FGFR1: variants seen among roughly 807,000 people sequenced by gnomAD.
FGFR1 encodes fibroblast growth factor receptor 1, also known as FGFR1/PLAG1 fusion.
In FGFR1, 18 loss-of-function variants were observed where a neutral mutation model predicts 93.7. The observed-to-expected ratio is 0.19, with a 90% CI of 0.13 to 0.28. The LOEUF is 0.28. Ranked by LOEUF, FGFR1 falls within the 10% of genes least tolerant of loss-of-function variation. FGFR1 has a pLI of 1.00. For synonymous variants in FGFR1, 448 were observed against 429.3 expected (o/e 1.04, Z -0.54); for missense variants, 731 against 1,080.4 (o/e 0.68, Z 4.53).
chr8:38,423,149 C>T lies in FGFR1; in HGVS notation c.937-1208G>A, dbSNP rs779349993. 7.1e-5 allele frequency: 55 copies of T among 779,378 alleles called. 1 individual carries two copies. The highest frequency in any genetic ancestry group is 5.9e-4 in the South Asian group (44 of 74,572). The allele number at this position is 779,378 out of a possible 1,614,324, so 48.3% of individuals were successfully genotyped here. A position where few individuals can be genotyped will look rare whatever the true frequency, so the allele number is the denominator to read the frequency against. On this transcript the variant is annotated intron_variant, in intron 7 of 17. Coordinates refer to ENST00000447712, the MANE Select transcript of FGFR1 (RefSeq NM_023110.3). Reference sequence around the variant, plus strand: ...TCACATTGAACAGGGTCAGCACCTCCGCATCCGAGCTATTAATCCCCGAAT... The same window carrying T: ...TCACATTGAACAGGGTCAGCACCTCTGCATCCGAGCTATTAATCCCCGAAT...
At chr8:38,425,958 AG>A (rs1820620140) in intron 6 of FGFR1, 163 bp downstream of exon 6, 1 of 857,864 alleles carries the variant, frequency 1.2e-6, no homozygotes, top group East Asian at 2.4e-5. Flanking sequence ...AGATAAGAAA[AG>A]TGAGGCTCAA....
chr8:38,457,262 G>T (rs1833086436), intron 2 of FGFR1, 94 bp downstream of exon 2: 3 of 1,402,668 alleles, frequency 2.1e-6, no homozygotes. Flanking sequence ...AGCCTTCCCT[G>T]TTGACCACAT....
intron 2 of FGFR1, among the ~76,000 whole-genome samples, chr8:38,439,155 C>G (rs1331958854): frequency 6.6e-6 from 1 of 152,166 alleles, no homozygotes; most frequent in Non-Finnish European, 1.5e-5. Context: ...GGAAAAATGG[C>G]TCCCAAAGTC....
Position 38,457,524 on chromosome 8 carries a change from T to G in FGFR1, c.-78A>C. On this transcript the variant is annotated 5_prime_UTR_variant, in exon 2 of 18. Transcript: ENST00000447712. ...TCCACAGTGAGCTCGATCCTCCTTT[T>G]CAAACTGACCCTGAGGAAAGGAAAA... 1 of 1,598,178 alleles carries G rather than the reference T, an allele frequency of 6.3e-7. No individual in the cohort carries two copies. The highest frequency in any genetic ancestry group is 2.3e-5 in the East Asian group (1 of 44,418).
At chr8:38,422,075 G>T in intron 7 of FGFR1, 134 bp from the exon 8 acceptor site, 1 of 1,104,744 alleles carries the variant, frequency 9.1e-7, no homozygotes, top group Non-Finnish European at 1.3e-6. Context: ...TTGCAACAAG[G>T]AACAAACGAA....
chr8:38,419,728 T>A lies in FGFR1; in HGVS notation c.1089A>T (p.Glu363Asp), dbSNP rs778778138. 6.2e-7 allele frequency: 1 copy of A among 1,614,094 alleles called. No homozygotes were observed. ...SAWLTVLEALEERPAVMTSPL... is the reference protein window; with the variant it reads ...SAWLTVLEALDERPAVMTSPL... ...GCGAGGTCATCACTGCCGGCCTCTC[T>A]TCCAGGGCTGAGTCAGTGCGAACAG... The change falls in exon 9 of 18, where the codon GAA (glutamate) becomes GAT (aspartate). Residue 363 changes from glutamate to aspartate, a missense_variant. Transcript: ENST00000447712.
At chr8:38,437,868 C>T (rs754173191) in intron 2 of FGFR1, among the ~76,000 whole-genome samples, 13 of 152,192 alleles carry the variant, frequency 8.5e-5, no homozygotes, top group Non-Finnish European at 1.6e-4. Flanking sequence ...CTTCACCAGC[C>T]CGGTCCCACA....
chr8:38,456,060 C>A (rs1329812235), intron 2 of FGFR1, among the ~76,000 whole-genome samples: 2 of 152,182 alleles, frequency 1.3e-5, no homozygotes, highest in Non-Finnish European at 2.9e-5. Flanking sequence ...ACACAACTTT[C>A]CCTGTTCATC....
intron 8 of FGFR1, chr8:38,420,391 C>T (rs920635111): frequency 2.0e-5 from 3 of 152,308 alleles, no homozygotes; most frequent in Non-Finnish European, 4.4e-5. Flanking sequence ...CTAGCCAAAC[C>T]ACAGGCAAAG....
rs193293052 is a variant in FGFR1 at position 38,445,405 on chromosome 8, T to G, written c.91+11951A>C. ...TCATCTTTTGATGGTCATGATATAT[T>G]ACCCCATGAGAATGGCTAGGCCAAT... On this transcript the variant is annotated intron_variant, in intron 2 of 17. Coordinates refer to ENST00000447712, the MANE Select transcript of FGFR1 (RefSeq NM_023110.3). Among the ~76,000 whole-genome samples, 405 of 152,332 alleles carry G rather than the reference T, an allele frequency of 2.7e-3. 1 individual carries two copies. Among genetic ancestry groups the G allele is most frequent in the Middle Eastern group, 6.8e-3 (2 of 294 alleles).
intron 7 of FGFR1, chr8:38,422,316 G>T (rs1490664083): frequency 8.9e-6 from 4 of 449,018 alleles, no homozygotes; most frequent in African/African-American, 7.8e-5. Context: ...GGATGGCGGG[G>T]GCTGCAGACA....
intron 2 of FGFR1, among the ~76,000 whole-genome samples, chr8:38,448,399 C>A (rs1302534321): frequency 6.6e-6 from 1 of 152,092 alleles, no homozygotes; most frequent in Admixed American, 6.5e-5. Flanking sequence ...CCTGCTTCAG[C>A]CACCTGAGTA....
At chr8:38,461,387 T>C (rs1382762611) in intron 1 of FGFR1, 1 of 466,936 alleles carries the variant, frequency 2.1e-6, no homozygotes, top group Non-Finnish European at 3.8e-6. Flanking sequence ...CAAGCTAGAG[T>C]GCAGTGGCAC....
chr8:38,452,772 C>T (rs980505515), intron 2 of FGFR1, among the ~76,000 whole-genome samples: 13 of 152,130 alleles, frequency 8.5e-5, no homozygotes, highest in African/African-American at 2.4e-4. Flanking sequence ...GTCAGGAGAC[C>T]GAGACCATCC....
chr8:38,455,037 G>A (rs1015462101), intron 2 of FGFR1, among the ~76,000 whole-genome samples: 1 of 140,842 alleles, frequency 7.1e-6, no homozygotes, highest in African/African-American at 2.7e-5. Flanking sequence ...GTGAAGCGGT[G>A]TGATCATGGC....
rs774120844 is a variant in FGFR1 at position 38,413,665 on chromosome 8, G to C, written c.2432C>G (p.Pro811Arg). 6.8e-6 allele frequency: 11 copies of C among 1,613,412 alleles called. No individual in the cohort carries two copies. Among genetic ancestry groups the C allele is most frequent in the Non-Finnish European group, 6.8e-6 (8 of 1,179,812 alleles). The change falls in exon 18 of 18, where the codon CCA becomes CGA. Residue 811 changes from proline to arginine, a missense_variant. By Grantham distance (103) the Pro-to-Arg change is moderately radical. Transcript: ENST00000447712. The surrounding 1 kb of genome is among the most constrained non-coding windows in gnomAD (Gnocchi z 4.2). ...GAGTCCGCCATTGGCAAGCTGGGCT[G>C]GGTGTCGGGGCAGGCAGGGCTCCTC... ...LPEEPCLPRH[P>R]AQLANGGLKR...
chr8:38,421,079 C>G (rs972226067), intron 8 of FGFR1, among the ~76,000 whole-genome samples: 1 of 152,162 alleles, frequency 6.6e-6, no homozygotes, highest in Non-Finnish European at 1.5e-5. Flanking sequence ...AACAGCCAGA[C>G]CCACATGCAG....
chr8:38,433,745 T>G (rs867613555), intron 2 of FGFR1, among the ~76,000 whole-genome samples: 2 of 152,238 alleles, frequency 1.3e-5, no homozygotes, highest in African/African-American at 4.8e-5. Flanking sequence ...TTACATTCCA[T>G]TTTGTATTGT....
chr8:38,420,047 G>A, intron 8 of FGFR1: 1 of 396,606 alleles, frequency 2.5e-6, no homozygotes, highest in Non-Finnish European at 4.7e-6. Flanking sequence ...AGGCACCCAG[G>A]GATCCTGCAA....
Sources: gnomAD v4.1 joint callset for allele counts (sites outside exome capture counted in the v4.1 genomes callset) on GRCh38, gnomAD v4.1.1 for gene constraint, Gnocchi (gnomAD v3.1) non-coding constraint, MANE v1.5 for transcripts, NCBI Gene and HGNC (gene_info 2026-07-23, HGNC 2026-07-21) for gene names.